SELENOI: variants seen among roughly 807,000 people sequenced by gnomAD.
SELENOI encodes the protein ethanolaminephosphotransferase 1.
Under a neutral mutation model 50.7 loss-of-function variants are expected in SELENOI, and 24 were observed. The ratio of observed to expected loss-of-function variants is 0.47; its 90% CI spans 0.34 to 0.67. The LOEUF is 0.67. Ranked by LOEUF, SELENOI falls within the 30% of genes least tolerant of loss-of-function variation. The pLI is 0.01. For synonymous variants in SELENOI, 155 were observed against 170.2 expected, an observed-to-expected ratio of 0.91 and a Z score of 0.70; for missense variants, 352 against 461.4, an observed-to-expected ratio of 0.76 and a Z score of 2.17.
chr2:26,386,363 A>G lies in SELENOI; in HGVS notation c.922A>G (p.Ile308Val). Residue 308 changes from isoleucine (I) to valine (V), a missense_variant, in exon 9 of 10, where the codon ATT becomes GTT. Transcript: ENST00000260585. ...TTAAATTGACGTCCAGTGTCAGCTG[A>G]TTGTTTGCCAAATGAGTAGTACCCG... ...TAFANSTCQL[I>V]VCQMSSTRCP... 2 of 1,608,746 alleles carry G rather than the reference A, an allele frequency of 1.2e-6. No individual in the cohort carries two copies. Among genetic ancestry groups the G allele is most frequent in the Non-Finnish European group, 8.5e-7 (1 of 1,178,466 alleles).
intron 1 of SELENOI, chr2:26,346,994 G>A (rs1469186253): frequency 1.3e-5 from 2 of 152,176 alleles, no homozygotes; most frequent in African/African-American, 4.8e-5. Flanking sequence ...ATGATTAGAG[G>A]AATTTGTGAA....
At chr2:26,347,814 A>T (rs1676834346) in intron 1 of SELENOI, among the ~76,000 whole-genome samples, 1 of 152,206 alleles carries the variant, frequency 6.6e-6, no homozygotes, top group South Asian at 2.1e-4. Flanking sequence ...AATCTTCCCT[A>T]GATTTATATT....
At chr2:26,385,856 G>T (rs1230583094) in intron 8 of SELENOI, among the ~76,000 whole-genome samples, 1 of 152,164 alleles carries the variant, frequency 6.6e-6, no homozygotes, top group Non-Finnish European at 1.5e-5. Flanking sequence ...TGTATAAAAA[G>T]TGTCTCTGAA....
At position 26,389,380 on chromosome 2, in the gene SELENOI, A is replaced by G. The variant is rs1677914352; in HGVS notation, c.*277A>G. ...ATGGTTCTAACTTCGTGAGTTTACA[A>G]TGTTGTGATTCATGCAGGGTTAAAG... is the stretch of plus-strand genomic sequence containing the variant. On this transcript the variant is annotated 3_prime_UTR_variant, in exon 10 of 10. Transcript: ENST00000260585. 1 of 304,882 alleles carries G rather than the reference A, an allele frequency of 3.3e-6. No homozygotes were observed. The highest frequency in any genetic ancestry group is 6.2e-6 in the Non-Finnish European group (1 of 162,446). 18.9% of individuals were successfully genotyped at this position (304,882 alleles called of 1,614,324 possible).
intron 1 of SELENOI, among the ~76,000 whole-genome samples, chr2:26,358,166 C>T (rs558659268): frequency 6.2e-4 from 94 of 152,206 alleles, no homozygotes; most frequent in African/African-American, 2.2e-3. Context: ...ACTTTGAGAG[C>T]CCAAGACGGG....
chr2:26,375,179 A>ACCATCACTTTGTTATCAAAAGAG (rs1385738345), intron 6 of SELENOI, 31 bp downstream of exon 6: 1 of 1,408,282 alleles, frequency 7.1e-7, no homozygotes, highest in Admixed American at 1.8e-5. Flanking sequence ...GCCTGTTTTA[A>ACCATCACTTTGTTATCAAAAGAG]CCATCACTTT....
chr2:26,373,182 C>T (rs113395747), intron 4 of SELENOI, among the ~76,000 whole-genome samples, 185 bp from the exon 5 acceptor site: 4,481 of 152,320 alleles, frequency 0.029, 89 homozygotes, highest in East Asian at 0.082. Flanking sequence ...AGACACTGTG[C>T]CTGGCCCTAA....
intron 4 of SELENOI, among the ~76,000 whole-genome samples, chr2:26,371,065 C>T (rs1194646694): frequency 1.2e-4 from 18 of 145,762 alleles, no homozygotes; most frequent in South Asian, 2.2e-4. Flanking sequence ...GGCAGAGGCG[C>T]CCCTCACCTC....
intron 6 of SELENOI, 149 bp downstream of exon 6, chr2:26,375,297 C>A: frequency 1.9e-6 from 1 of 519,544 alleles, no homozygotes; most frequent in Non-Finnish European, 3.4e-6. Flanking sequence ...TTCAGCCTAA[C>A]CATTAAGAAA....
intron 1 of SELENOI, among the ~76,000 whole-genome samples, chr2:26,361,910 G>A (rs1456524120): frequency 6.6e-6 from 1 of 151,834 alleles, no homozygotes; most frequent in Non-Finnish European, 1.5e-5. Flanking sequence ...CGCCCGCCTC[G>A]GCCTCCCAAA....
At chr2:26,376,361 A>C (rs908201044) in intron 6 of SELENOI, among the ~76,000 whole-genome samples, 1 of 152,120 alleles carries the variant, frequency 6.6e-6, no homozygotes, top group Admixed American at 6.6e-5. Flanking sequence ...TTTCTTCTCC[A>C]ATTATGTAGT....
intron 1 of SELENOI, among the ~76,000 whole-genome samples, chr2:26,350,176 A>T (rs1676927274): frequency 8.9e-6 from 1 of 112,974 alleles, no homozygotes; most frequent in African/African-American, 3.4e-5. Context: ...ATATTATGGT[A>T]ATTAATTAAC....
rs1677992269 is a variant in SELENOI at position 26,392,533 on chromosome 2, C to G, written c.*3430C>G. Reference sequence around the variant, plus strand: ...TTCACCTGGGTTTCCTCTTATCTACCCACCACCTAGGACAGAGGCTGCCCA... The same window carrying G: ...TTCACCTGGGTTTCCTCTTATCTACGCACCACCTAGGACAGAGGCTGCCCA... On this transcript the variant is annotated 3_prime_UTR_variant, in exon 10 of 10. Transcript: ENST00000260585. 1 of 152,164 alleles carries G rather than the reference C, an allele frequency of 6.6e-6. No homozygotes were observed. Among genetic ancestry groups the G allele is most frequent in the African/African-American group, 2.4e-5 (1 of 41,410 alleles). 9.4% of individuals were successfully genotyped at this position (152,164 alleles called of 1,614,324 possible).
intron 1 of SELENOI, among the ~76,000 whole-genome samples, chr2:26,354,991 C>T (rs998172637): frequency 1.3e-5 from 2 of 152,172 alleles, no homozygotes; most frequent in Non-Finnish European, 2.9e-5. Context: ...TTTCCACATA[C>T]CAGCTGTGTG....
At chr2:26,386,796 T>C (rs1677853825) in intron 9 of SELENOI, among the ~76,000 whole-genome samples, 1 of 152,270 alleles carries the variant, frequency 6.6e-6, no homozygotes, top group African/African-American at 2.4e-5. Flanking sequence ...TAGTTATTAC[T>C]GTAAGTGGGT....
rs1336659503 is a variant in SELENOI, at chr2:26,393,226, A to G, written c.*4123A>G. The G allele has an allele frequency of 2.6e-5, 4 of 152,676 alleles. No homozygotes were observed. The highest frequency in any genetic ancestry group is 9.6e-5 in the African/African-American group (4 of 41,464). The allele number at this position is 152,676 out of a possible 1,614,324, so 9.5% of individuals were successfully genotyped here. On this transcript the variant is annotated 3_prime_UTR_variant, in exon 10 of 10. Transcript: ENST00000260585. ...TAACTTTTCCAGAGAAAGTGGTGAT[A>G]TGCTTCTTCCTTGCATGGAGCTGTG...
At chr2:26,368,534 C>T (rs571328834) in intron 4 of SELENOI, among the ~76,000 whole-genome samples, 1 of 152,290 alleles carries the variant, frequency 6.6e-6, no homozygotes, top group South Asian at 2.1e-4. Context: ...AATCTTTATT[C>T]TACCTAGTGT....
chr2:26,349,078 C>T (rs1219816597), intron 1 of SELENOI, among the ~76,000 whole-genome samples: 2 of 129,912 alleles, frequency 1.5e-5, no homozygotes, highest in African/African-American at 2.8e-5. Flanking sequence ...TGCAATGGCG[C>T]GATCTCAGCT....
Position 26,388,991 on chromosome 2 carries a change from C to T in SELENOI, c.1096-14C>T. On this transcript the variant is annotated splice_polypyrimidine_tract_variant and intron_variant, in intron 9 of 9. Transcript: ENST00000260585. ...TACATATTTGTCACTGTCTCATGTTCTGATTTTTCATAGGTAAAGCAGCTG... is the reference window on the plus strand; with the variant it reads ...TACATATTTGTCACTGTCTCATGTTTTGATTTTTCATAGGTAAAGCAGCTG... 1 of 1,560,396 alleles carries T rather than the reference C, an allele frequency of 6.4e-7. No homozygotes were observed. The highest frequency in any genetic ancestry group is 8.7e-7 in the Non-Finnish European group (1 of 1,147,082).
Sources: gnomAD v4.1 joint callset for allele counts (sites outside exome capture counted in the v4.1 genomes callset) on GRCh38, gnomAD v4.1.1 for gene constraint, MANE v1.5 for transcripts, NCBI Gene and HGNC (gene_info 2026-07-23, HGNC 2026-07-21) for gene names.